CAST: variants seen among roughly 807,000 people sequenced by gnomAD.
CAST encodes MIR583 host.
A neutral mutation model predicts 119.6 loss-of-function variants in CAST; 76 were observed. That is an observed-to-expected ratio of 0.64 (90% CI 0.53 to 0.77). The LOEUF (loss-of-function observed/expected upper bound fraction) is 0.77, where lower values mean the gene tolerates loss of function less well. Among genes scored for constraint, CAST ranks in the 30% least tolerant of loss-of-function variants. The probability of loss-of-function intolerance (pLI) is 0.00; values close to 1 mark genes in which losing one functional copy is unlikely to be tolerated. For synonymous variants in CAST, 319 were observed against 331.6 expected (o/e 0.96, Z 0.41); for missense variants, 953 against 946.5 (o/e 1.01, Z -0.09).
chr5:96,208,664 A>G, the CAST span, among the ~76,000 whole-genome samples: 4 of 151,486 alleles, frequency 2.6e-5, no homozygotes, highest in South Asian at 8.3e-4. Flanking sequence ...ACTGTTTTCC[A>G]TTTTTATTGC....
At chr5:96,284,174 G>C in the CAST span, among the ~76,000 whole-genome samples, 1 of 152,182 alleles carries the variant, frequency 6.6e-6, no homozygotes, top group Non-Finnish European at 1.5e-5. Flanking sequence ...AGAAAGCACA[G>C]TATCCTTACA....
the CAST span, among the ~76,000 whole-genome samples, chr5:96,048,058 T>C: frequency 1.3e-5 from 2 of 151,306 alleles, no homozygotes; most frequent in African/African-American, 2.4e-5. Flanking sequence ...AAGGTCATAC[T>C]CTTTCACTTG....
chr5:96,760,238 C>A (rs187639206), intron 24 of CAST, among the ~76,000 whole-genome samples: 4 of 151,762 alleles, frequency 2.6e-5, no homozygotes, highest in Non-Finnish European at 4.4e-5. Context: ...TAGAATATAA[C>A]AAACAGTTAA....
At chr5:96,019,515 G>A in the CAST span, among the ~76,000 whole-genome samples, 5 of 152,138 alleles carry the variant, frequency 3.3e-5, no homozygotes, top group East Asian at 1.9e-4. Context: ...TAGATCACTC[G>A]GATGGTCTCT....
chr5:96,377,167 A>G, the CAST span, among the ~76,000 whole-genome samples: 1 of 151,958 alleles, frequency 6.6e-6, no homozygotes, highest in South Asian at 2.1e-4. Context: ...TTTTAAATTA[A>G]AATTTTAATT....
the CAST span, among the ~76,000 whole-genome samples, chr5:96,099,037 A>T: frequency 6.6e-6 from 1 of 151,906 alleles, no homozygotes; most frequent in South Asian, 2.1e-4. Flanking sequence ...GAGATCTTTC[A>T]CCTCCCTAGT....
chr5:96,668,085 T>C (rs1257768319), intron 1 of CAST, among the ~76,000 whole-genome samples: 1 of 152,148 alleles, frequency 6.6e-6, no homozygotes, highest in Non-Finnish European at 1.5e-5. Flanking sequence ...GTGTCAATAA[T>C]TGTCAACATT....
the CAST span, among the ~76,000 whole-genome samples, chr5:96,032,936 C>T: frequency 8.9e-4 from 135 of 152,144 alleles, no homozygotes; most frequent in African/African-American, 3.0e-3. Flanking sequence ...CCTAAAGGCA[C>T]CACCAAAAAA....
At chr5:95,998,904 A>G in the CAST span, among the ~76,000 whole-genome samples, 1 of 151,932 alleles carries the variant, frequency 6.6e-6, no homozygotes. Flanking sequence ...CCATGTTCTC[A>G]TTATCTGTTG....
chr5:96,128,012 T>A, the CAST span, among the ~76,000 whole-genome samples: 1 of 152,140 alleles, frequency 6.6e-6, no homozygotes, highest in African/African-American at 2.4e-5. Context: ...GATGAGTTTC[T>A]ATGTCCTTGA....
the CAST span, chr5:95,961,540 C>T: frequency 3.3e-6 from 5 of 1,533,688 alleles, no homozygotes; most frequent in East Asian, 2.6e-5. Flanking sequence ...TGCGCTCTGC[C>T]TCTCTGAGCC....
chr5:96,700,214 G>A (rs906119667), intron 3 of CAST, among the ~76,000 whole-genome samples: 19 of 152,094 alleles, frequency 1.2e-4, no homozygotes, highest in African/African-American at 3.6e-4. Context: ...ACAAGAAAGC[G>A]TTTTTATTTT....
chr5:96,064,140 T>C, the CAST span, among the ~76,000 whole-genome samples: 18 of 152,190 alleles, frequency 1.2e-4, no homozygotes, highest in African/African-American at 4.3e-4. Flanking sequence ...ATTTGTGTGT[T>C]TTATTGGCCA....
chr5:96,078,486 C>G, the CAST span, among the ~76,000 whole-genome samples: 1 of 152,010 alleles, frequency 6.6e-6, no homozygotes, highest in African/African-American at 2.4e-5. Flanking sequence ...CTCCGCCTCC[C>G]AGGTTCAAGC....
the CAST span, among the ~76,000 whole-genome samples, chr5:95,985,895 G>A: frequency 2.6e-5 from 4 of 152,262 alleles, no homozygotes; most frequent in East Asian, 7.7e-4. Flanking sequence ...GGCTTTTTCT[G>A]CCGTTATTTT....
chr5:96,512,729 C>T, the CAST span, among the ~76,000 whole-genome samples: 1 of 152,090 alleles, frequency 6.6e-6, no homozygotes, highest in Admixed American at 6.6e-5. Flanking sequence ...TGTTCCTTTC[C>T]AAAGCTGAAG....
chr5:96,738,047 C>A, intron 11 of CAST, 100 bp downstream of exon 11: 2 of 678,520 alleles, frequency 2.9e-6, no homozygotes, highest in Non-Finnish European at 2.6e-6. Context: ...TGAGGCCAGG[C>A]GCAGTGGCTC....
the CAST span, among the ~76,000 whole-genome samples, chr5:96,103,081 TG>T: frequency 3.3e-5 from 5 of 152,122 alleles, no homozygotes; most frequent in African/African-American, 1.2e-4. Context: ...CTGTCAAAGG[TG>T]GATACAAAAT....
chr5:95,973,265 G>A, the CAST span: 10 of 178,044 alleles, frequency 5.6e-5, no homozygotes, highest in East Asian at 1.5e-3. Context: ...AACTGTGTTG[G>A]TTTCAGAGTG....
Sources: allele counts gnomAD v4.1 joint callset (sites outside exome capture counted in the v4.1 genomes callset), GRCh38; gene constraint gnomAD v4.1.1; transcripts MANE v1.5; gene names NCBI Gene and HGNC (gene_info 2026-07-23, HGNC 2026-07-21).